The following ZNF420 variants were observed in gnomAD, a reference collection of about 807,000 sequenced individuals.
The protein encoded by ZNF420 is zinc finger protein 420, also known as ATM and p53-associated KZNF protein.
ZNF420 carries 31 observed loss-of-function variants against 44.7 expected under a neutral mutation model. The observed-to-expected ratio is 0.69, with a 90% confidence interval of 0.52 to 0.94. ZNF420 has a LOEUF of 0.94. ZNF420 is among the 40% of genes least tolerant of loss of function. The probability of loss-of-function intolerance (pLI) is 0.00; values close to 1 mark genes in which losing one functional copy is unlikely to be tolerated. For missense variants in ZNF420, 681 were observed against 827.9 expected, an observed-to-expected ratio of 0.82 and a Z score of 2.18; for synonymous variants, 245 against 267.4, an observed-to-expected ratio of 0.92 and a Z score of 0.82.
In ZNF420 at chr19:37,063,444, T is replaced by C. The variant is rs193213631; in HGVS notation, c.-124-16901T>C. On this transcript the variant is annotated intron_variant, in intron 1 of 4. Coordinates refer to the ZNF420 transcript ENST00000587029. Reference sequence around the variant, plus strand: ...ACAGATAAACTCAAGTCGCAAAACATGTTTTTCCTTGAAAAGTAAGAAATG... The same window carrying C: ...ACAGATAAACTCAAGTCGCAAAACACGTTTTTCCTTGAAAAGTAAGAAATG... 1.2e-3 allele frequency among the ~76,000 whole-genome samples: 189 copies of C among 152,232 alleles called. 1 individual carries two copies. The highest frequency in any genetic ancestry group is 3.4e-3 in the Middle Eastern group (1 of 294).
At chr19:37,056,056 ATTCTCTC>A (rs907034792) in intron 1 of ZNF420, among the ~76,000 whole-genome samples, 1 of 151,496 alleles carries the variant, frequency 6.6e-6, no homozygotes, top group African/African-American at 2.4e-5. Flanking sequence ...TGTGTCTCCC[ATTCTCTC>A]TTCTCTCTCT....
intron 4 of ZNF420, among the ~76,000 whole-genome samples, chr19:37,113,489 C>T (rs1174901923): frequency 2.0e-5 from 3 of 150,842 alleles, no homozygotes; most frequent in Non-Finnish European, 4.4e-5. Flanking sequence ...GGTTTAATGG[C>T]TGATTGACAC....
chr19:37,112,596 C>T (rs143091759), intron 4 of ZNF420, among the ~76,000 whole-genome samples: 1 of 152,326 alleles, frequency 6.6e-6, no homozygotes, highest in East Asian at 1.9e-4. Flanking sequence ...GCCTTACACA[C>T]AGGTCTGCTC....
Position 37,038,543 on chromosome 19 carries a change from G to A in ZNF420, c.-125+30461G>A, listed in dbSNP as rs77598031. Among the ~76,000 whole-genome samples, 327 of 152,280 alleles carry A rather than the reference G, an allele frequency of 2.1e-3. 3 individuals are homozygous for A. The highest frequency in any genetic ancestry group is 7.5e-3 in the African/African-American group (310 of 41,552). On this transcript the variant is annotated intron_variant, in intron 1 of 4. Transcript: ENST00000587029. ...CTATCAACTAAGTTTATGGAATATTGTAAGTCCTTTGTTGTTCTTTCAACA... is the reference window on the plus strand; with the variant it reads ...CTATCAACTAAGTTTATGGAATATTATAAGTCCTTTGTTGTTCTTTCAACA...
rs1037391256 is a variant in ZNF420 at position 37,127,689 on chromosome 19, T to C, written c.698T>C (p.Ile233Thr). 1 of 1,613,616 alleles carries C rather than the reference T, an allele frequency of 6.2e-7. No homozygotes were observed. The highest frequency in any genetic ancestry group is 1.3e-5 in the African/African-American group (1 of 74,874). The change falls in exon 5 of 5, where the codon ATT becomes ACT. Residue 233 changes from isoleucine (I) to threonine (T), a missense_variant. Transcript: ENST00000337995. Reference sequence around the variant, plus strand: ...TGTGAAGAATGTGGGAAAGCCTTTATTCGTAGCTCACAACTTACCCGACAT... The same window carrying C: ...TGTGAAGAATGTGGGAAAGCCTTTACTCGTAGCTCACAACTTACCCGACAT... ...YKCEECGKAFIRSSQLTRHQK... is the reference protein window; with the variant it reads ...YKCEECGKAFTRSSQLTRHQK...
At chr19:37,056,416 C>T (rs1345410181) in intron 1 of ZNF420, among the ~76,000 whole-genome samples, 1 of 152,176 alleles carries the variant, frequency 6.6e-6, no homozygotes. Context: ...GTGACACACA[C>T]TCACCCCATC....
At chr19:37,107,697 T>TAACA (rs1970171549) in intron 4 of ZNF420, 1 of 152,346 alleles carries the variant, frequency 6.6e-6, no homozygotes, top group Non-Finnish European at 1.5e-5. Context: ...ACCTGCAGAC[T>TAACA]AACAACAGAC....
At chr19:37,086,186 G>A (rs1327122300) in intron 2 of ZNF420, among the ~76,000 whole-genome samples, 2 of 151,918 alleles carry the variant, frequency 1.3e-5, no homozygotes, top group Non-Finnish European at 2.9e-5. Context: ...AATGATAGGA[G>A]CTTTTTGTTC....
upstream of ZNF420, among the ~76,000 whole-genome samples, chr19:37,076,474 G>A (rs965241101): frequency 1.3e-5 from 2 of 152,004 alleles, no homozygotes; most frequent in Admixed American, 6.5e-5. Flanking sequence ...TGCTGCACCT[G>A]TTAACTCATC....
chr19:37,066,921 T>C (rs1279161537), intron 1 of ZNF420, among the ~76,000 whole-genome samples: 1 of 152,172 alleles, frequency 6.6e-6, no homozygotes, highest in South Asian at 2.1e-4. Context: ...GAATAAACTG[T>C]GATACAATCA....
rs763579753 is a variant in ZNF420 at position 37,128,064 on chromosome 19, C to T, written c.1073C>T (p.Thr358Ile). Residue 358 changes from threonine to isoleucine, a missense_variant, in exon 5 of 5, where the codon ACT becomes ATT. Transcript: ENST00000337995. ...CTGATGCAACATCAGAGGATTCATA[C>T]TGGTGAAAAACCCTATAAATGTGAA... ...SLLMQHQRIH[T>I]GEKPYKCEEC... 1 of 1,614,034 alleles carries T rather than the reference C, an allele frequency of 6.2e-7. No homozygotes were observed. Among genetic ancestry groups the T allele is most frequent in the South Asian group, 1.1e-5 (1 of 91,072 alleles).
intron 4 of ZNF420, among the ~76,000 whole-genome samples, chr19:37,104,990 C>G (rs1262242937): frequency 6.6e-6 from 1 of 152,106 alleles, no homozygotes; most frequent in African/African-American, 2.4e-5. Flanking sequence ...TGTGCAGAAG[C>G]TCTTTAGTTT....
At chr19:37,124,115 G>A (rs915641826) in intron 4 of ZNF420, among the ~76,000 whole-genome samples, 1 of 151,946 alleles carries the variant, frequency 6.6e-6, no homozygotes, top group African/African-American at 2.4e-5. Context: ...ACCATTCCCA[G>A]CCTATGAAAA....
chr19:37,118,922 A>G (rs1352557553), intron 4 of ZNF420, among the ~76,000 whole-genome samples: 2 of 152,252 alleles, frequency 1.3e-5, no homozygotes, highest in African/African-American at 2.4e-5. Flanking sequence ...AGAGCTAACT[A>G]TCCTAAATAT....
chr19:37,122,761 C>T (rs1459926810), intron 4 of ZNF420, among the ~76,000 whole-genome samples: 3 of 152,122 alleles, frequency 2.0e-5, no homozygotes, highest in African/African-American at 7.2e-5. Context: ...AATCCTCAAA[C>T]TTCCCTTTTT....
chr19:37,034,333 G>A (rs1319446323), intron 1 of ZNF420, among the ~76,000 whole-genome samples: 1 of 152,114 alleles, frequency 6.6e-6, no homozygotes, highest in African/African-American at 2.4e-5. Flanking sequence ...AAATGTCTAT[G>A]TAAGTCCTTT....
chr19:37,081,666 C>A (rs146275001), intron 2 of ZNF420, among the ~76,000 whole-genome samples: 1 of 148,708 alleles, frequency 6.7e-6, no homozygotes. Context: ...GCTGGGAATA[C>A]AGGCGGGCAC....
chr19:37,034,105 C>T (rs1018022604), intron 1 of ZNF420, among the ~76,000 whole-genome samples: 2 of 151,926 alleles, frequency 1.3e-5, no homozygotes, highest in African/African-American at 4.8e-5. Flanking sequence ...CTCTTTTCCA[C>T]CATGACTATA....
chr19:37,059,968 G>A (rs988265165), intron 1 of ZNF420, among the ~76,000 whole-genome samples: 2 of 151,816 alleles, frequency 1.3e-5, no homozygotes, highest in Admixed American at 6.6e-5. Context: ...TGCCCCCTGC[G>A]CCAAAAAGGG....
Sources: allele counts gnomAD v4.1 joint callset (sites outside exome capture counted in the v4.1 genomes callset), GRCh38; gene constraint gnomAD v4.1.1; transcripts MANE v1.5; gene names NCBI Gene and HGNC (gene_info 2026-07-23, HGNC 2026-07-21).